TNRC6B: variants seen among roughly 807,000 people sequenced by gnomAD.
TNRC6B encodes trinucleotide repeat-containing gene 6B protein.
A neutral mutation model predicts 203.6 loss-of-function variants in TNRC6B; 52 were observed. The ratio of observed to expected loss-of-function variants is 0.26; its 90% CI spans 0.20 to 0.32. TNRC6B has a LOEUF of 0.32. TNRC6B is among the 10% of genes least tolerant of loss of function. The probability of loss-of-function intolerance (pLI) is 1.00; values close to 1 mark genes in which losing one functional copy is unlikely to be tolerated. For missense variants in TNRC6B, 1,923 were observed against 2,286.2 expected, an observed-to-expected ratio of 0.84 and a Z score of 3.24; for synonymous variants, 838 against 845.7, an observed-to-expected ratio of 0.99 and a Z score of 0.16.
In TNRC6B at chr22:40,244,600, C is replaced by T. The variant is rs2070079275; in HGVS notation, c.6-1415C>T. Among the ~76,000 whole-genome samples, 5 of 151,956 alleles carry T rather than the reference C, an allele frequency of 3.3e-5. No homozygotes were observed. The South Asian group carries it at 1.0e-3, about 31-fold the overall frequency. On this transcript the variant is annotated intron_variant, in intron 1 of 22. Coordinates refer to ENST00000454349, the MANE Select transcript of TNRC6B (RefSeq NM_001162501.2). ...TCCCAAACTTGAGTCCTTCGGGAAC[C>T]ATCTTTATGATTTTGCCATGTTTGC...
intron 21 of TNRC6B, among the ~76,000 whole-genome samples, chr22:40,316,271 G>A (rs1051748510): frequency 2.0e-5 from 3 of 151,698 alleles, no homozygotes; most frequent in East Asian, 1.9e-4. Context: ...GGATAACGGC[G>A]TGAACCCGGG....
In TNRC6B at chr22:40,330,180, TTTTG is replaced by T. The variant is rs1471317842; in HGVS notation, c.*6943_*6946del. 3.3e-5 allele frequency: 5 copies of T among 152,214 alleles called. No individual in the cohort carries two copies. Among genetic ancestry groups the T allele is most frequent in the Non-Finnish European group, 7.3e-5 (5 of 68,036 alleles). 9.4% of individuals were successfully genotyped at this position (152,214 alleles called of 1,614,324 possible). ...GCCAATATCAACAAGTTGGGATGGT[TTTTG>T]TTTTTTTCTTTTTTTTCAAAAAGGG... On this transcript the variant is annotated 3_prime_UTR_variant, in exon 23 of 23. Coordinates refer to ENST00000454349, the MANE Select transcript of TNRC6B (RefSeq NM_001162501.2).
chr22:40,045,147 C>T (rs1391351478), intron 1 of TNRC6B: 6 of 144,748 alleles, frequency 4.1e-5, no homozygotes, highest in Non-Finnish European at 9.2e-5. Context: ...TGCGTGTCCT[C>T]GCGAGGGAGC....
chr22:40,231,555 C>T (rs2069870479), intron 1 of TNRC6B, among the ~76,000 whole-genome samples: 1 of 151,884 alleles, frequency 6.6e-6, no homozygotes, highest in African/African-American at 2.4e-5. Flanking sequence ...TCTGATTGTT[C>T]CTAGTATGTA....
At chr22:40,116,464 C>G (rs552317740) in intron 1 of TNRC6B, among the ~76,000 whole-genome samples, 1 of 152,238 alleles carries the variant, frequency 6.6e-6, no homozygotes. Flanking sequence ...AAAATATTTA[C>G]TGCATTTACT....
intron 16 of TNRC6B, among the ~76,000 whole-genome samples, chr22:40,310,112 C>T (rs1362301400): frequency 6.6e-6 from 1 of 152,158 alleles, no homozygotes; most frequent in Non-Finnish European, 1.5e-5. Context: ...TGCCCCATAG[C>T]ATATAAAATG....
At chr22:40,219,066 C>T (rs1253262148) in intron 1 of TNRC6B, among the ~76,000 whole-genome samples, 1 of 152,226 alleles carries the variant, frequency 6.6e-6, no homozygotes, top group Non-Finnish European at 1.5e-5. Flanking sequence ...TATTAAGTTG[C>T]TGTCAAAGGC....
intron 1 of TNRC6B, among the ~76,000 whole-genome samples, chr22:40,074,282 ATAAT>A (rs2067985226): frequency 1.3e-5 from 2 of 151,932 alleles, no homozygotes; most frequent in African/African-American, 4.8e-5. Flanking sequence ...GTTCAAGCTA[ATAAT>A]TTAAGAGTAA....
chr22:40,242,461 G>A (rs555672424), intron 1 of TNRC6B, among the ~76,000 whole-genome samples: 9 of 148,830 alleles, frequency 6.0e-5, no homozygotes, highest in African/African-American at 7.4e-5. Context: ...ACGGAATTTC[G>A]CTCTTGTTGC....
chr22:40,284,993 CTTATTT>C (rs2070763488), intron 11 of TNRC6B, among the ~76,000 whole-genome samples: 2 of 152,186 alleles, frequency 1.3e-5, no homozygotes, highest in South Asian at 4.1e-4. Context: ...GGGAGTTCCG[CTTATTT>C]TTAACTAGAC....
chr22:40,257,288 T>A (rs1354834248), intron 3 of TNRC6B, among the ~76,000 whole-genome samples: 1 of 152,170 alleles, frequency 6.6e-6, no homozygotes, highest in Non-Finnish European at 1.5e-5. Flanking sequence ...TCTGAAAAAG[T>A]AGCATCTAAT....
intron 19 of TNRC6B, among the ~76,000 whole-genome samples, chr22:40,314,490 T>C (rs189929471): frequency 1.7e-4 from 26 of 152,248 alleles, no homozygotes; most frequent in African/African-American, 6.3e-4. Context: ...CAACCAAAAT[T>C]GGGGGGGAAC....
chr22:40,089,550 A>T (rs2068132743), intron 1 of TNRC6B, among the ~76,000 whole-genome samples: 1 of 151,704 alleles, frequency 6.6e-6, no homozygotes, highest in African/African-American at 2.4e-5. Context: ...TTTTTTTTTT[A>T]ATTGGCAGTT....
intron 3 of TNRC6B, among the ~76,000 whole-genome samples, chr22:40,149,238 C>T (rs80030563): frequency 6.6e-6 from 1 of 152,106 alleles, no homozygotes; most frequent in Admixed American, 6.6e-5. Flanking sequence ...AATGATTATG[C>T]TGAGTAAAAG....
chr22:40,170,331 TTATATATAGTTTATATATATATTATGTA>T (rs1312939653), intron 4 of TNRC6B, among the ~76,000 whole-genome samples: 11 of 99,322 alleles, frequency 1.1e-4, no homozygotes, highest in African/African-American at 4.8e-4. Flanking sequence ...ATTATATATA[TTATATATAGTTTATATATATATTATGTA>T]TATAGTTTAT....
chr22:40,105,085 C>T (rs557778243), intron 1 of TNRC6B, among the ~76,000 whole-genome samples: 2 of 152,174 alleles, frequency 1.3e-5, no homozygotes, highest in Admixed American at 6.5e-5. Flanking sequence ...AGAAAGCACA[C>T]GATTGAGAGC....
At chr22:40,156,021 G>A in intron 3 of TNRC6B, 1 of 1,117,000 alleles carries the variant, frequency 9.0e-7, no homozygotes, top group Admixed American at 2.2e-5. Context: ...CAGTGAAACG[G>A]CCCTGTGGTT....
intron 2 of TNRC6B, among the ~76,000 whole-genome samples, chr22:40,118,853 T>G (rs2068416148): frequency 6.6e-6 from 1 of 152,196 alleles, no homozygotes; most frequent in South Asian, 2.1e-4. Context: ...TGCCTAGAGA[T>G]GGATCAGGAA....
At chr22:40,280,215 T>A in intron 10 of TNRC6B, 72 bp downstream of exon 10, 1 of 1,459,778 alleles carries the variant, frequency 6.9e-7, no homozygotes, top group Non-Finnish European at 9.4e-7. Context: ...TTTTGATAAC[T>A]GATTCTAGAG....
Sources: gnomAD v4.1 joint callset for allele counts (sites outside exome capture counted in the v4.1 genomes callset) on GRCh38, gnomAD v4.1.1 for gene constraint, MANE v1.5 for transcripts, NCBI Gene and HGNC (gene_info 2026-07-23, HGNC 2026-07-21) for gene names.